Variants in HEATR5A observed in about 807,000 individuals in gnomAD.
HEATR5A encodes HEAT repeat containing 5A.
A neutral mutation model predicts 218.8 loss-of-function variants in HEATR5A; 178 were observed. The observed-to-expected ratio is 0.81, with a 90% CI of 0.72 to 0.92. The LOEUF (loss-of-function observed/expected upper bound fraction) is 0.92. HEATR5A is among the 40% of genes least tolerant of loss of function. The pLI is 0.00. For missense variants in HEATR5A, 2,420 were observed against 2,418.9 expected (o/e 1.00, Z -0.01); for synonymous variants, 864 against 871.6 (o/e 0.99, Z 0.15).
intron 1 of HEATR5A, among the ~76,000 whole-genome samples, chr14:31,410,736 G>T (rs1022232364): frequency 6.6e-6 from 1 of 152,102 alleles, no homozygotes; most frequent in African/African-American, 2.4e-5. Context: ...AATCTTGTCT[G>T]TATCAATTCC....
At chr14:31,375,069 A>G (rs1157987349) in intron 11 of HEATR5A, 101 bp from the exon 12 acceptor site, 4 of 966,186 alleles carry the variant, frequency 4.1e-6, no homozygotes, top group Non-Finnish European at 6.0e-6. Context: ...ATTTTAATTC[A>G]TTATTGCAAC....
At chr14:31,331,924 A>G (rs1900486273) in intron 22 of HEATR5A, among the ~76,000 whole-genome samples, 1 of 152,196 alleles carries the variant, frequency 6.6e-6, no homozygotes, top group African/African-American at 2.4e-5. Flanking sequence ...CCCTCCCTCA[A>G]CACCTGGGGA....
chr14:31,414,344 CAT>C (rs779268608), intron 1 of HEATR5A, among the ~76,000 whole-genome samples: 11 of 152,164 alleles, frequency 7.2e-5, no homozygotes, highest in Non-Finnish European at 1.3e-4. Flanking sequence ...ATTTTACTGA[CAT>C]AAATCCATCA....
intron 1 of HEATR5A, among the ~76,000 whole-genome samples, chr14:31,414,013 A>G (rs903743725): frequency 2.6e-5 from 4 of 152,204 alleles, no homozygotes; most frequent in African/African-American, 9.6e-5. Context: ...ATCAGCTTTC[A>G]GAGAGCCCTT....
At chr14:31,372,249 T>C (rs1372498138) in intron 12 of HEATR5A, among the ~76,000 whole-genome samples, 1 of 150,394 alleles carries the variant, frequency 6.6e-6, no homozygotes, top group Non-Finnish European at 1.5e-5. Context: ...GCTCTACAAC[T>C]AGTTCCGTGG....
intron 28 of HEATR5A, among the ~76,000 whole-genome samples, chr14:31,312,303 G>A (rs1899780644): frequency 6.6e-6 from 1 of 151,832 alleles, no homozygotes; most frequent in South Asian, 2.1e-4. Context: ...CTTAATCAAG[G>A]AAATAAGAAA....
chr14:31,331,624 T>TA (rs1278973706), intron 22 of HEATR5A, among the ~76,000 whole-genome samples: 3 of 152,186 alleles, frequency 2.0e-5, no homozygotes, highest in Non-Finnish European at 1.5e-5. Flanking sequence ...TTTACTGTAT[T>TA]AGTCTGTTTT....
At chr14:31,369,824 A>G (rs1293547302) in intron 13 of HEATR5A, among the ~76,000 whole-genome samples, 1 of 151,468 alleles carries the variant, frequency 6.6e-6, no homozygotes, top group Non-Finnish European at 1.5e-5. Flanking sequence ...GCTACTCAGG[A>G]AGCTGAGGCA....
At chr14:31,346,159 GCTC>G (rs1901014807) in intron 19 of HEATR5A, among the ~76,000 whole-genome samples, 1 of 152,182 alleles carries the variant, frequency 6.6e-6, no homozygotes, top group African/African-American at 2.4e-5. Context: ...GCAAAAATGA[GCTC>G]CTATTTGTTA....
rs146784816 is a variant in HEATR5A at position 31,326,847 on chromosome 14, G to A, written c.3368-505C>T. Reference sequence around the variant, plus strand: ...TTTAGTAGAGATGGGGTTTCACTACGTTGCCCAGGCTGGTCTCAAATTCCT... The same window carrying A: ...TTTAGTAGAGATGGGGTTTCACTACATTGCCCAGGCTGGTCTCAAATTCCT... On this transcript the variant is annotated intron_variant, in intron 22 of 35. Transcript: ENST00000543095. Among the ~76,000 whole-genome samples the A allele has an allele frequency of 3.8e-3, 570 of 151,926 alleles. 7 individuals carry two copies. The highest frequency in any genetic ancestry group is 0.013 in the African/African-American group (532 of 41,414).
chr14:31,324,176 G>A (rs1345434771), intron 23 of HEATR5A, among the ~76,000 whole-genome samples: 6 of 152,102 alleles, frequency 3.9e-5, no homozygotes, highest in South Asian at 2.1e-4. Flanking sequence ...CAAAATTCTC[G>A]GGTGTGGGTG....
intron 22 of HEATR5A, among the ~76,000 whole-genome samples, chr14:31,327,011 G>C (rs1441151568): frequency 6.6e-6 from 1 of 150,752 alleles, no homozygotes; most frequent in East Asian, 1.9e-4. Context: ...GTCTCACTCT[G>C]TCACCCAAGA....
rs1469620297 is a variant in HEATR5A at position 31,343,896 on chromosome 14, A to C, written c.3228T>G (p.Cys1076Trp). Residue 1076 changes from cysteine to tryptophan, a missense_variant and splice_region_variant, in exon 21 of 36, where the codon TGT becomes TGG. Coordinates refer to ENST00000543095, the MANE Select transcript of HEATR5A (RefSeq NM_015473.4). ...VNLSSLVSCL[C>W]VNLCSPYLLL... The stretch of plus-strand genomic sequence containing the variant: ...AGCTCGTTTACAATTCTATACTCAC[A>C]CAGAGGCAGCTAACCAGGCTAGACA... 3.8e-6 allele frequency: 6 copies of C among 1,587,382 alleles called. No homozygotes were observed. In the East Asian group the frequency reaches 1.3e-4, roughly 35 times the overall value.
At chr14:31,381,108 C>T (rs573068304) in intron 10 of HEATR5A, among the ~76,000 whole-genome samples, 12 of 151,994 alleles carry the variant, frequency 7.9e-5, no homozygotes, top group East Asian at 1.9e-4. Flanking sequence ...ATTAGCCGGG[C>T]GTGGTGGCAC....
rs775435545 is a variant in HEATR5A, at chr14:31,302,494, T to C, written c.5265A>G (p.Ile1755Met). 27 of 1,582,100 alleles carry C rather than the reference T, an allele frequency of 1.7e-5. No individual in the cohort carries two copies. In the African/African-American group the frequency reaches 2.7e-4, roughly 16 times the overall value. The change falls in exon 33 of 36, where the codon ATA (isoleucine) becomes ATG (methionine). Residue 1755 changes from isoleucine to methionine, a missense_variant. Coordinates refer to ENST00000543095, the MANE Select transcript of HEATR5A (RefSeq NM_015473.4). ...PEGSISILPT[I>M]LYLTIGVLRE... ...TGAGGACCCCGATTGTGAGGTACAA[T>C]ATAGTAGGGAGAATTGAGATGCTTC...
At chr14:31,354,018 C>T (rs1317535208) in intron 16 of HEATR5A, among the ~76,000 whole-genome samples, 2 of 151,890 alleles carry the variant, frequency 1.3e-5, no homozygotes, top group African/African-American at 2.4e-5. Context: ...CCAGGATGGT[C>T]TTGATCTCTT....
chr14:31,383,824 C>T (rs749065456), intron 9 of HEATR5A, 53 bp from the exon 10 acceptor site: 3 of 1,456,352 alleles, frequency 2.1e-6, no homozygotes, highest in Non-Finnish European at 2.8e-6. Flanking sequence ...CTCACCTGAC[C>T]ATAAAATAGT....
chr14:31,363,239 CAA>C (rs755305803), intron 14 of HEATR5A, among the ~76,000 whole-genome samples: 24 of 88,708 alleles, frequency 2.7e-4, no homozygotes, highest in East Asian at 3.0e-4. Flanking sequence ...ACTCTGTCTC[CAA>C]AAAAAAAAAA....
chr14:31,399,104 T>C (rs2030772020), intron 3 of HEATR5A, among the ~76,000 whole-genome samples: 2 of 152,238 alleles, frequency 1.3e-5, no homozygotes, highest in South Asian at 2.1e-4. Flanking sequence ...TAATTTTTTA[T>C]ACATGGTGTA....
Sources: gnomAD v4.1 joint callset for allele counts (sites outside exome capture counted in the v4.1 genomes callset) on GRCh38, gnomAD v4.1.1 for gene constraint, MANE v1.5 for transcripts, NCBI Gene and HGNC (gene_info 2026-07-23, HGNC 2026-07-21) for gene names.